The following SPHKAP variants were observed in gnomAD, a reference collection of about 807,000 sequenced individuals.
SPHKAP encodes the protein A-kinase anchor protein SPHKAP.
SPHKAP carries 67 observed loss-of-function variants against 137.5 expected under a neutral mutation model. The ratio of observed to expected loss-of-function variants is 0.49; its 90% CI spans 0.40 to 0.60. SPHKAP has a LOEUF of 0.60. Among genes scored for constraint, SPHKAP ranks in the 20% least tolerant of loss-of-function variants. The probability of loss-of-function intolerance (pLI) is 0.00; values close to 1 mark genes in which losing one functional copy is unlikely to be tolerated. For synonymous variants in SPHKAP, 813 were observed against 785.3 expected (o/e 1.04, Z -0.59); for missense variants, 2,097 against 2,069.3 (o/e 1.01, Z -0.26).
intron 11 of SPHKAP, among the ~76,000 whole-genome samples, chr2:227,984,469 G>A (rs1693139305): frequency 6.6e-6 from 1 of 151,996 alleles, no homozygotes; most frequent in African/African-American, 2.4e-5. Flanking sequence ...AAATACTCTT[G>A]GGAAGGGGAA....
At chr2:228,068,076 G>A (rs1291644264) in intron 3 of SPHKAP, among the ~76,000 whole-genome samples, 1 of 152,156 alleles carries the variant, frequency 6.6e-6, no homozygotes, top group African/African-American at 2.4e-5. Context: ...AATTCTATAT[G>A]CCAACAGTGA....
chr2:228,001,777 T>A (rs568975747), intron 7 of SPHKAP, among the ~76,000 whole-genome samples: 3 of 151,938 alleles, frequency 2.0e-5, no homozygotes, highest in African/African-American at 7.2e-5. Flanking sequence ...TGTCCATGTG[T>A]TCTCATTGTT....
chr2:228,110,609 GATA>G (rs1698488124), intron 2 of SPHKAP, among the ~76,000 whole-genome samples: 1 of 147,066 alleles, frequency 6.8e-6, no homozygotes, highest in African/African-American at 2.5e-5. Context: ...AGACTACTTT[GATA>G]ATAATACTAA....
At position 228,019,592 on chromosome 2, in the gene SPHKAP, C is replaced by T. The variant is rs372199508; in HGVS notation, c.1262G>A (p.Ser421Asn). 3.8e-5 allele frequency: 61 copies of T among 1,614,146 alleles called. No homozygotes were observed. The East Asian group carries it at 1.0e-3, about 28-fold the overall frequency. Residue 421 changes from serine to asparagine, a missense_variant, in exon 7 of 12, where the codon AGT becomes AAT. Transcript: ENST00000392056. ...AAGCAGAGAACTTCCTACAGAAACACTGACTGCAGATTCCTGGGGTAATGT... is the reference window on the plus strand; with the variant it reads ...AAGCAGAGAACTTCCTACAGAAACATTGACTGCAGATTCCTGGGGTAATGT... ...QSTLPQESAV[S>N]VSVGSSLLPS...
At position 228,132,167 on chromosome 2, in the gene SPHKAP, T is replaced by C. The variant is rs965729950; in HGVS notation, c.33-82A>G. On this transcript the variant is annotated intron_variant, in intron 1 of 11. Transcript: ENST00000392056. ...AATAAATAATAAGTAAATCACAACATGGTGTATCAAAAATCATCTTTTTCA... is the reference window on the plus strand; with the variant it reads ...AATAAATAATAAGTAAATCACAACACGGTGTATCAAAAATCATCTTTTTCA... The C allele has an allele frequency of 4.4e-5, 51 of 1,161,584 alleles. No individual in the cohort carries two copies. The African/African-American group carries it at 7.4e-4, about 17-fold the overall frequency. 72.0% of individuals were successfully genotyped at this position (1,161,584 alleles called of 1,614,324 possible).
intron 5 of SPHKAP, 141 bp from the exon 6 acceptor site, chr2:228,022,107 AT>A (rs1694864045): frequency 6.8e-6 from 9 of 1,322,216 alleles, no homozygotes; most frequent in Non-Finnish European, 8.7e-6. Context: ...CTGGAATTAT[AT>A]TAATAAACTG....
intron 1 of SPHKAP, among the ~76,000 whole-genome samples, chr2:228,154,512 CTATATA>C (rs1559203928): frequency 1.8e-4 from 4 of 22,066 alleles, no homozygotes; most frequent in African/African-American, 5.4e-4. Flanking sequence ...CTCTCTCTCT[CTATATA>C]TATATATATA....
intron 2 of SPHKAP, among the ~76,000 whole-genome samples, chr2:228,111,921 CT>C (rs1698530377): frequency 1.3e-5 from 2 of 151,940 alleles, no homozygotes; most frequent in South Asian, 4.1e-4. Flanking sequence ...ACTACATTTT[CT>C]TATGGACTTC....
chr2:228,031,152 TG>T (rs1695297336), intron 3 of SPHKAP, among the ~76,000 whole-genome samples: 1 of 152,044 alleles, frequency 6.6e-6, no homozygotes, highest in Non-Finnish European at 1.5e-5. Context: ...CCTGGAAAAT[TG>T]GGTCACTCCC....
At chr2:228,065,171 C>G (rs1281777088) in intron 3 of SPHKAP, among the ~76,000 whole-genome samples, 2 of 152,204 alleles carry the variant, frequency 1.3e-5, no homozygotes, top group Admixed American at 1.3e-4. Context: ...GGGAAACCAA[C>G]ACAGCCAAGC....
In SPHKAP at chr2:227,981,603, A is replaced by G. The variant is rs939181719; in HGVS notation, c.*114T>C. On this transcript the variant is annotated 3_prime_UTR_variant, in exon 12 of 12. Coordinates refer to ENST00000392056, the MANE Select transcript of SPHKAP (RefSeq NM_001142644.2). ...GGATCTGAGTAGCAGATTTTTTTTT[A>G]TAGTTCTGCTAATGTGATGTGATGT... 11 of 1,364,364 alleles carry G rather than the reference A, an allele frequency of 8.1e-6. No homozygotes were observed. The highest frequency in any genetic ancestry group is 3.0e-5 in the African/African-American group (2 of 67,056). The allele number at this position is 1,364,364 out of a possible 1,614,324, so 84.5% of individuals were successfully genotyped here. A position where few individuals can be genotyped will look rare whatever the true frequency, so the allele number is the denominator to read the frequency against.
chr2:228,061,017 C>T (rs1255654700), intron 3 of SPHKAP, among the ~76,000 whole-genome samples: 1 of 152,124 alleles, frequency 6.6e-6, no homozygotes. Context: ...GGATTTGAGG[C>T]CAAACTTGGA....
Position 228,139,948 on chromosome 2 carries a change from T to TCTTTCTTTCTTTCTTTC in SPHKAP, c.33-7864_33-7863insGAAAGAAAGAAAGAAAG, listed in dbSNP as rs374831194. Among the ~76,000 whole-genome samples, 10 of 145,382 alleles carry TCTTTCTTTCTTTCTTTC rather than the reference T, an allele frequency of 6.9e-5. No individual in the cohort carries two copies. In the East Asian group the frequency reaches 1.9e-3, roughly 27 times the overall value. ...TTTCTTTCTTTCTTTTTCTTTTCTT[T>TCTTTCTTTCTTTCTTTC]TTTCTTTTTCTTTTGAGATAGAGTC... On this transcript the variant is annotated intron_variant, in intron 1 of 11. Transcript: ENST00000392056.
intron 3 of SPHKAP, among the ~76,000 whole-genome samples, chr2:228,075,969 C>A (rs554009557): frequency 6.6e-6 from 1 of 152,150 alleles, no homozygotes; most frequent in Non-Finnish European, 1.5e-5. Context: ...ACAATTCCCT[C>A]GTGTTGTGAG....
rs1368048277 is a variant in SPHKAP, at chr2:227,980,656, A to G, written c.*1061T>C. On this transcript the variant is annotated 3_prime_UTR_variant, in exon 12 of 12. Transcript: ENST00000392056. ...CGAGTCAGGGAAAGTCTATGATCCT[A>G]ACTGATCATGTCAAACACAAGACCA... 7.0e-6 allele frequency: 1 copy of G among 143,430 alleles called. No individual in the cohort carries two copies. Among genetic ancestry groups the G allele is most frequent in the African/African-American group, 2.4e-5 (1 of 40,908 alleles). 8.9% of individuals were successfully genotyped at this position (143,430 alleles called of 1,614,324 possible). A position where few individuals can be genotyped will look rare whatever the true frequency, so the allele number is the denominator to read the frequency against.
chr2:228,036,098 C>G (rs1695580357), intron 3 of SPHKAP, among the ~76,000 whole-genome samples: 2 of 150,046 alleles, frequency 1.3e-5, no homozygotes, highest in African/African-American at 5.0e-5. Flanking sequence ...AACAGGCAAC[C>G]TACAGAATGG....
intron 3 of SPHKAP, among the ~76,000 whole-genome samples, chr2:228,085,875 A>T (rs1697522384): frequency 6.6e-6 from 1 of 152,128 alleles, no homozygotes; most frequent in Non-Finnish European, 1.5e-5. Context: ...TGCAAAAATG[A>T]GATGTTCTTC....
intron 3 of SPHKAP, among the ~76,000 whole-genome samples, chr2:228,103,010 G>T (rs1054348253): frequency 6.6e-6 from 1 of 152,166 alleles, no homozygotes; most frequent in Non-Finnish European, 1.5e-5. Flanking sequence ...CTCCCAAAGT[G>T]CTACGAGTAC....
chr2:228,131,224 T>C (rs1042652443), intron 2 of SPHKAP: 95 of 874,952 alleles, frequency 1.1e-4, no homozygotes, highest in Non-Finnish European at 1.2e-4. Flanking sequence ...TTTACATCTA[T>C]AAGAATTTTT....
Sources: gnomAD v4.1 joint callset for allele counts (sites outside exome capture counted in the v4.1 genomes callset) on GRCh38, gnomAD v4.1.1 for gene constraint, MANE v1.5 for transcripts, NCBI Gene and HGNC (gene_info 2026-07-23, HGNC 2026-07-21) for gene names.